Variants in CTNNA2 observed in about 807,000 individuals in gnomAD.
CTNNA2 encodes catenin alpha-2.
Under a neutral mutation model 101.0 loss-of-function variants are expected in CTNNA2, and 42 were observed. The ratio of observed to expected loss-of-function variants is 0.42; its 90% CI spans 0.32 to 0.54. The LOEUF is 0.54. CTNNA2 is among the 20% of genes least tolerant of loss of function. The pLI is 0.14. For synonymous variants in CTNNA2, 450 were observed against 456.4 expected, an observed-to-expected ratio of 0.99 and a Z score of 0.18; for missense variants, 871 against 1,223.1, an observed-to-expected ratio of 0.71 and a Z score of 4.29.
At chr2:80,112,057 A>G (rs562194549) in intron 7 of CTNNA2, among the ~76,000 whole-genome samples, 1 of 152,300 alleles carries the variant, frequency 6.6e-6, no homozygotes, top group Admixed American at 6.5e-5. Flanking sequence ...ATACAATATA[A>G]AAATTTAGTA....
At chr2:79,762,662 T>C (rs1223191120) in intron 3 of CTNNA2, among the ~76,000 whole-genome samples, 4 of 152,212 alleles carry the variant, frequency 2.6e-5, no homozygotes, top group Non-Finnish European at 4.4e-5. Flanking sequence ...TTTCAATTCA[T>C]GTTTATATTT....
At chr2:79,810,010 A>G (rs11899652) in intron 3 of CTNNA2, among the ~76,000 whole-genome samples, 3,107 of 152,310 alleles carry the variant, frequency 0.02, 95 homozygotes, top group African/African-American at 0.07. Context: ...AAGAAACTGC[A>G]TCAACTAATG....
intron 7 of CTNNA2, among the ~76,000 whole-genome samples, chr2:80,171,365 CAAAT>C (rs964249195): frequency 6.6e-6 from 1 of 152,212 alleles, no homozygotes; most frequent in African/African-American, 2.4e-5. Flanking sequence ...CCGCCAATCT[CAAAT>C]AAAGCAGAAT....
At chr2:79,338,569 C>CTCCTCGTCTTCTTTT (rs1677049878) in intron 3 of CTNNA2, among the ~76,000 whole-genome samples, 1 of 47,222 alleles carries the variant, frequency 2.1e-5, no homozygotes, top group Non-Finnish European at 4.0e-5. Flanking sequence ...CTTCTTCTTC[C>CTCCTCGTCTTCTTTT]TCCTCATCAT....
chr2:79,537,602 T>C (rs1673150842), intron 1 of CTNNA2, among the ~76,000 whole-genome samples: 1 of 152,158 alleles, frequency 6.6e-6, no homozygotes, highest in Non-Finnish European at 1.5e-5. Context: ...GTCTTGGTAA[T>C]CAGTTTTCAT....
At chr2:80,391,608 C>T (rs564556346) in intron 7 of CTNNA2, among the ~76,000 whole-genome samples, 7 of 152,248 alleles carry the variant, frequency 4.6e-5, no homozygotes, top group African/African-American at 1.7e-4. Flanking sequence ...AACCTATTTG[C>T]AAGGAGAGAA....
chr2:79,871,316 A>AT (rs1682562054), intron 5 of CTNNA2, among the ~76,000 whole-genome samples: 1 of 152,194 alleles, frequency 6.6e-6, no homozygotes, highest in African/African-American at 2.4e-5. Flanking sequence ...TTATGTGGTT[A>AT]TTTTTAAGTA....
At chr2:80,165,619 T>A (rs1704630059) in intron 7 of CTNNA2, among the ~76,000 whole-genome samples, 1 of 152,262 alleles carries the variant, frequency 6.6e-6, no homozygotes, top group Middle Eastern at 3.4e-3. Flanking sequence ...CTGGAAAGGA[T>A]TGGGAGTTCT....
intron 4 of CTNNA2, among the ~76,000 whole-genome samples, chr2:79,381,656 A>G (rs1678040562): frequency 6.6e-6 from 1 of 152,184 alleles, no homozygotes; most frequent in African/African-American, 2.4e-5. Context: ...CAATTGAGGA[A>G]CTGACTAAGG....
intron 7 of CTNNA2, among the ~76,000 whole-genome samples, chr2:80,110,339 C>G (rs1701139872): frequency 6.6e-6 from 1 of 152,162 alleles, no homozygotes; most frequent in South Asian, 2.1e-4. Flanking sequence ...AGAATTGTCT[C>G]TTTATTTTAG....
At chr2:79,941,499 G>T (rs2104457683) in intron 7 of CTNNA2, among the ~76,000 whole-genome samples, 1 of 152,274 alleles carries the variant, frequency 6.6e-6, no homozygotes, top group African/African-American at 2.4e-5. Context: ...CTCACTAATG[G>T]TATTGCCCCA....
chr2:79,270,863 C>G (rs1210942525), intron 2 of CTNNA2, among the ~76,000 whole-genome samples: 1 of 152,004 alleles, frequency 6.6e-6, no homozygotes, highest in Non-Finnish European at 1.5e-5. Flanking sequence ...CTCTTTGTCT[C>G]CTGAGTCTTC....
intron 7 of CTNNA2, among the ~76,000 whole-genome samples, chr2:80,375,723 C>A (rs905217866): frequency 6.6e-6 from 1 of 151,950 alleles, no homozygotes; most frequent in Non-Finnish European, 1.5e-5. Context: ...CGCCACAATG[C>A]CCAGCTAATT....
chr2:79,867,113 A>T (rs1396806527), intron 4 of CTNNA2, among the ~76,000 whole-genome samples: 1 of 151,536 alleles, frequency 6.6e-6, no homozygotes, highest in African/African-American at 2.4e-5. Context: ...GCAGTCCTGA[A>T]CTCCTCCATG....
intron 3 of CTNNA2, among the ~76,000 whole-genome samples, chr2:79,352,219 T>C (rs1022283852): frequency 1.3e-5 from 2 of 152,168 alleles, no homozygotes; most frequent in Non-Finnish European, 2.9e-5. Context: ...GTATAATTTT[T>C]TTTTTCTGGT....
At chr2:80,464,446 T>G (rs2149476884) in intron 9 of CTNNA2, among the ~76,000 whole-genome samples, 1 of 152,242 alleles carries the variant, frequency 6.6e-6, no homozygotes, top group South Asian at 2.1e-4. Context: ...GCCCTGATGG[T>G]TGAATCATTT....
At chr2:79,209,985 G>T (rs1252096277) in intron 2 of CTNNA2, among the ~76,000 whole-genome samples, 4 of 151,718 alleles carry the variant, frequency 2.6e-5, no homozygotes, top group African/African-American at 7.3e-5. Flanking sequence ...GCGGGGGTGT[G>T]GCGGGGGTAT....
intron 2 of CTNNA2, among the ~76,000 whole-genome samples, chr2:79,286,744 C>G (rs1675601668): frequency 6.6e-6 from 1 of 152,020 alleles, no homozygotes; most frequent in Non-Finnish European, 1.5e-5. Context: ...TGGAGTTGCT[C>G]TTCTCGAGGA....
At chr2:80,538,163 TC>T (rs142825837) in intron 9 of CTNNA2, among the ~76,000 whole-genome samples, 69,049 of 151,646 alleles carry the variant, frequency 0.46, 15,958 homozygotes, top group South Asian at 0.56. Context: ...TTTCTCTCAT[TC>T]TTTAGGTTGC....
Sources: allele counts gnomAD v4.1 joint callset (sites outside exome capture counted in the v4.1 genomes callset), GRCh38; gene constraint gnomAD v4.1.1; transcripts MANE v1.5; gene names NCBI Gene and HGNC (gene_info 2026-07-23, HGNC 2026-07-21).